HSF2BP: variants seen among roughly 807,000 people sequenced by gnomAD.
HSF2BP encodes the protein heat shock factor 2-binding protein.
A neutral mutation model predicts 35.0 loss-of-function variants in HSF2BP; 35 were observed. The ratio of observed to expected loss-of-function variants is 1.00; its 90% CI spans 0.76 to 1.32. The LOEUF is 1.32. Among genes scored for constraint, HSF2BP ranks in the 40% most tolerant of loss-of-function variants. The pLI, the probability that HSF2BP is intolerant of heterozygous loss-of-function variation, is 0.00. For missense variants in HSF2BP, 326 were observed against 321.7 expected (o/e 1.01, Z -0.10); for synonymous variants, 114 against 117.4 (o/e 0.97, Z 0.18).
chr21:43,612,268 T>C (rs2082214649), intron 7 of HSF2BP, among the ~76,000 whole-genome samples: 1 of 152,042 alleles, frequency 6.6e-6, no homozygotes, highest in Non-Finnish European at 1.5e-5. Context: ...ATCTCAACTC[T>C]CATGGGAAAA....
intron 7 of HSF2BP, among the ~76,000 whole-genome samples, chr21:43,602,341 G>A (rs1233159581): frequency 6.6e-6 from 1 of 152,190 alleles, no homozygotes; most frequent in Non-Finnish European, 1.5e-5. Context: ...TGGAAAACGG[G>A]AGCTTGTGGG....
intron 7 of HSF2BP, among the ~76,000 whole-genome samples, chr21:43,599,840 TAAG>T (rs1472293744): frequency 1.4e-5 from 2 of 138,230 alleles, no homozygotes; most frequent in East Asian, 4.2e-4. Flanking sequence ...ACTAGTGTAC[TAAG>T]TGTTAGACTT....
At chr21:43,506,098 G>A in the HSF2BP span, among the ~76,000 whole-genome samples, 1 of 133,098 alleles carries the variant, frequency 7.5e-6, no homozygotes, top group Admixed American at 7.3e-5. Context: ...CCCCACTCCT[G>A]CCGAGTGTGC....
intron 7 of HSF2BP, among the ~76,000 whole-genome samples, chr21:43,606,050 G>A (rs111714860): frequency 0.025 from 3,825 of 151,948 alleles, 48 homozygotes; most frequent in Middle Eastern, 0.065. Flanking sequence ...AAGTAAAGCC[G>A]CCTGCCGGGA....
Position 43,643,908 on chromosome 21 carries a change from T to TTGCACCAC in HSF2BP, c.291+373_291+380dup, listed in dbSNP as rs572639799. The stretch of plus-strand genomic sequence containing the variant: ...AGGCGGAGCTTGCAGTGAGCCGAGA[T>TTGCACCAC]TGCACCACTGCACTCCAGCCTGGGC... On this transcript the variant is annotated intron_variant, in intron 4 of 8. Coordinates refer to ENST00000291560, the MANE Select transcript of HSF2BP (RefSeq NM_007031.2). 6.5e-3 allele frequency among the ~76,000 whole-genome samples: 989 copies of TTGCACCAC among 151,190 alleles called. 14 individuals carry two copies. Among genetic ancestry groups the TTGCACCAC allele is most frequent in the African/African-American group, 0.023 (942 of 41,222 alleles).
chr21:43,574,619 A>G (rs534211930), intron 8 of HSF2BP, among the ~76,000 whole-genome samples: 3 of 152,240 alleles, frequency 2.0e-5, no homozygotes, highest in Admixed American at 1.3e-4. Flanking sequence ...GGCCTCCCAA[A>G]GTGCTGGGAT....
intron 7 of HSF2BP, among the ~76,000 whole-genome samples, chr21:43,608,249 A>C (rs2082159323): frequency 6.6e-6 from 1 of 152,204 alleles, no homozygotes; most frequent in Non-Finnish European, 1.5e-5. Context: ...TAAACAAATC[A>C]ACAAGAAAAA....
intron 6 of HSF2BP, among the ~76,000 whole-genome samples, chr21:43,622,405 AC>A (rs1469421838): frequency 6.6e-6 from 1 of 152,150 alleles, no homozygotes; most frequent in Non-Finnish European, 1.5e-5. Context: ...AAGAAACAAG[AC>A]TTAACTACAT....
chr21:43,635,527 A>G (rs969972639), intron 4 of HSF2BP, among the ~76,000 whole-genome samples: 2 of 152,246 alleles, frequency 1.3e-5, no homozygotes, highest in Admixed American at 1.3e-4. Context: ...TGATTTTAAC[A>G]AAGGTGCCAA....
chr21:43,600,367 C>G (rs1198192786), intron 7 of HSF2BP, among the ~76,000 whole-genome samples: 1 of 152,110 alleles, frequency 6.6e-6, no homozygotes, highest in Admixed American at 6.5e-5. Context: ...CAGAAACAAG[C>G]CAATCAGTGA....
rs1369408851 is a variant in HSF2BP, at chr21:43,593,241, G to A, written c.693-913C>T. On this transcript the variant is annotated intron_variant, in intron 7 of 8. Transcript: ENST00000291560. ...CACAGGCCCTGCAGAAACCAGAAGAGAGGAAACTTTCAAGCTTAGCATGAA... is the reference window on the plus strand; with the variant it reads ...CACAGGCCCTGCAGAAACCAGAAGAAAGGAAACTTTCAAGCTTAGCATGAA... 2.6e-5 allele frequency among the ~76,000 whole-genome samples: 4 copies of A among 152,250 alleles called. No homozygotes were observed. In the South Asian group the frequency reaches 8.3e-4, roughly 32 times the overall value.
chr21:43,621,910 G>A (rs997869684), intron 6 of HSF2BP, among the ~76,000 whole-genome samples: 2 of 152,084 alleles, frequency 1.3e-5, no homozygotes, highest in African/African-American at 4.8e-5. Context: ...TGCAATCCAT[G>A]CAAAACTCTA....
In HSF2BP at chr21:43,579,205, G is replaced by T. The variant is rs2838323; in HGVS notation, c.796+13020C>A. Among the ~76,000 whole-genome samples the T allele has an allele frequency of 7.2e-5, 11 of 152,130 alleles. No individual in the cohort carries two copies. The South Asian group carries it at 2.3e-3, about 32-fold the overall frequency. ...TCATATGGAAGATTTCATTAGCTGC[G>T]GTTTTCTAATCTCACAACAACAATC... On this transcript the variant is annotated intron_variant, in intron 8 of 8. Coordinates refer to ENST00000291560, the MANE Select transcript of HSF2BP (RefSeq NM_007031.2).
chr21:43,599,867 CAAAA>C (rs11379827), intron 7 of HSF2BP, among the ~76,000 whole-genome samples: 1 of 132,528 alleles, frequency 7.5e-6, no homozygotes. Flanking sequence ...CTTCCAATGA[CAAAA>C]AAAAAAAAAA....
At chr21:43,593,373 C>T (rs952948045) in intron 7 of HSF2BP, among the ~76,000 whole-genome samples, 25 of 152,130 alleles carry the variant, frequency 1.6e-4, no homozygotes, top group African/African-American at 5.6e-4. Context: ...GGAAAGGATC[C>T]TCAACCTGGT....
intron 8 of HSF2BP, among the ~76,000 whole-genome samples, chr21:43,581,434 T>C (rs1357301128): frequency 2.6e-5 from 4 of 151,128 alleles, no homozygotes; most frequent in African/African-American, 7.3e-5. Flanking sequence ...GAGTCACTTA[T>C]GAAAGATGCT....
At chr21:43,628,540 A>T (rs956198101) in intron 6 of HSF2BP, among the ~76,000 whole-genome samples, 1 of 152,286 alleles carries the variant, frequency 6.6e-6, no homozygotes, top group African/African-American at 2.4e-5. Flanking sequence ...GTTTAAGGAA[A>T]GAAGTTGTCT....
intron 4 of HSF2BP, 140 bp downstream of exon 4, chr21:43,644,149 A>T: frequency 1.6e-6 from 1 of 609,480 alleles, no homozygotes; most frequent in Non-Finnish European, 3.0e-6. Flanking sequence ...ATTCCAACCC[A>T]CTCAGAATAC....
At chr21:43,647,352 G>A (rs973264266) in intron 3 of HSF2BP, among the ~76,000 whole-genome samples, 1 of 151,844 alleles carries the variant, frequency 6.6e-6, no homozygotes, top group African/African-American at 2.4e-5. Context: ...TCAGCCTCCC[G>A]AGTAGCTGGG....
Sources: gnomAD v4.1 joint callset for allele counts (sites outside exome capture counted in the v4.1 genomes callset) on GRCh38, gnomAD v4.1.1 for gene constraint, MANE v1.5 for transcripts, NCBI Gene and HGNC (gene_info 2026-07-23, HGNC 2026-07-21) for gene names.